Variants in CAMTA1 observed in about 807,000 individuals in gnomAD.
The protein encoded by CAMTA1 is calmodulin binding transcription activator 1.
In CAMTA1, 27 loss-of-function variants were observed where a neutral mutation model predicts 170.9. The observed-to-expected ratio is 0.16, with a 90% CI of 0.12 to 0.22. The LOEUF (loss-of-function observed/expected upper bound fraction) is 0.22. Among genes scored for constraint, CAMTA1 ranks in the 10% least tolerant of loss-of-function variants. CAMTA1 has a pLI of 1.00. For synonymous variants in CAMTA1, 833 were observed against 891.5 expected (o/e 0.93, Z 1.17); for missense variants, 1,619 against 2,217.2 (o/e 0.73, Z 5.42).
At chr1:7,758,175 C>T (rs1210895774) in intron 22 of CAMTA1, among the ~76,000 whole-genome samples, 4 of 152,098 alleles carry the variant, frequency 2.6e-5, no homozygotes, top group Admixed American at 1.3e-4. Flanking sequence ...AACATTTTTA[C>T]GGGAGGTGGT....
At chr1:7,307,248 C>G (rs1020561837) in intron 5 of CAMTA1, among the ~76,000 whole-genome samples, 2 of 151,922 alleles carry the variant, frequency 1.3e-5, no homozygotes, top group African/African-American at 4.8e-5. Flanking sequence ...TTCACTAATT[C>G]ATTGCTAGTA....
chr1:7,669,236 G>A (rs555960341), intron 9 of CAMTA1, among the ~76,000 whole-genome samples: 3 of 152,264 alleles, frequency 2.0e-5, no homozygotes, highest in Admixed American at 6.5e-5. Context: ...CCAGGCTCAT[G>A]CAAGAGCAGG....
chr1:7,649,484 G>A (rs903151595), intron 7 of CAMTA1, among the ~76,000 whole-genome samples: 16 of 152,218 alleles, frequency 1.1e-4, no homozygotes, highest in Admixed American at 9.8e-4. Flanking sequence ...CCCTCTTCCT[G>A]GCTCCTGCCA....
chr1:7,011,311 G>A (rs7516707), intron 3 of CAMTA1, among the ~76,000 whole-genome samples: 21,104 of 152,132 alleles, frequency 0.14, 1,577 homozygotes, highest in Non-Finnish European at 0.18. Context: ...TTCAAATGAT[G>A]CTGGGATTAC....
chr1:6,908,041 C>T (rs1369615060), intron 3 of CAMTA1, among the ~76,000 whole-genome samples: 1 of 152,192 alleles, frequency 6.6e-6, no homozygotes, highest in Non-Finnish European at 1.5e-5. Context: ...CATTTTTTCT[C>T]CCTCAGACGT....
chr1:7,312,720 G>T (rs1450858051), intron 5 of CAMTA1, among the ~76,000 whole-genome samples: 2 of 152,140 alleles, frequency 1.3e-5, no homozygotes, highest in African/African-American at 4.8e-5. Flanking sequence ...CCTTTGGGCT[G>T]CTTCCAAAAG....
chr1:6,967,813 G>C (rs1691822395), intron 3 of CAMTA1, among the ~76,000 whole-genome samples: 1 of 152,174 alleles, frequency 6.6e-6, no homozygotes, highest in South Asian at 2.1e-4. Flanking sequence ...GATTTAGGGA[G>C]AATCTTAGGG....
chr1:6,941,609 A>T (rs1393637787), intron 3 of CAMTA1, among the ~76,000 whole-genome samples: 1 of 152,204 alleles, frequency 6.6e-6, no homozygotes, highest in African/African-American at 2.4e-5. Context: ...CGCCGTGGGC[A>T]ATTGGGGCCC....
intron 11 of CAMTA1, among the ~76,000 whole-genome samples, chr1:7,702,635 C>T (rs1475945894): frequency 6.6e-6 from 1 of 152,184 alleles, no homozygotes; most frequent in East Asian, 1.9e-4. Flanking sequence ...TTCTTGTTCT[C>T]AAGGAGATGA....
At chr1:7,472,215 G>C (rs950791136) in intron 6 of CAMTA1, among the ~76,000 whole-genome samples, 1 of 152,184 alleles carries the variant, frequency 6.6e-6, no homozygotes, top group Admixed American at 6.5e-5. Context: ...AGGACCCTGG[G>C]GCCTTAGGAG....
intron 16 of CAMTA1, among the ~76,000 whole-genome samples, chr1:7,742,360 T>C (rs1462017882): frequency 1.3e-5 from 2 of 152,080 alleles, no homozygotes; most frequent in East Asian, 3.8e-4. Flanking sequence ...TGATTTCATA[T>C]ATATTTACTA....
intron 5 of CAMTA1, among the ~76,000 whole-genome samples, chr1:7,261,480 C>T (rs1413627602): frequency 1.3e-5 from 2 of 152,178 alleles, no homozygotes; most frequent in East Asian, 3.8e-4. Context: ...TCTCAGATTT[C>T]CAACGGAAGT....
intron 2 of CAMTA1, 50 bp downstream of exon 2, chr1:6,820,300 T>G: frequency 6.2e-7 from 1 of 1,603,396 alleles, no homozygotes; most frequent in Non-Finnish European, 8.5e-7. Flanking sequence ...GGCTTGGCAG[T>G]GGCAGTAATT....
intron 6 of CAMTA1, among the ~76,000 whole-genome samples, chr1:7,494,183 T>C (rs146279523): frequency 0.017 from 1,746 of 101,582 alleles, 22 homozygotes; most frequent in South Asian, 0.047. Flanking sequence ...TCAGAATTTC[T>C]ATTTGTTCAG....
chr1:7,671,180 C>T, intron 10 of CAMTA1, 143 bp downstream of exon 10: 3 of 898,960 alleles, frequency 3.3e-6, no homozygotes, highest in East Asian at 5.0e-5. Flanking sequence ...AAGCGGATCC[C>T]CGATAGTCTA....
At chr1:6,848,374 CCTAGTCTCA>C (rs556941816) in intron 3 of CAMTA1, among the ~76,000 whole-genome samples, 30 of 152,308 alleles carry the variant, frequency 2.0e-4, no homozygotes, top group Admixed American at 1.6e-3. Context: ...GCCTTGAACT[CCTAGTCTCA>C]AGTGGTCCTC....
intron 6 of CAMTA1, among the ~76,000 whole-genome samples, chr1:7,480,363 ATGTG>A (rs944839875): frequency 3.4e-5 from 5 of 146,374 alleles, no homozygotes; most frequent in African/African-American, 1.3e-4. Context: ...GTGTTTGTGC[ATGTG>A]TGTGAGTGCC....
chr1:6,806,404 C>A (rs1644514700), intron 1 of CAMTA1, among the ~76,000 whole-genome samples: 1 of 152,214 alleles, frequency 6.6e-6, no homozygotes, highest in Non-Finnish European at 1.5e-5. Flanking sequence ...GAAGAGACAA[C>A]TGAGATATAA....
At chr1:7,048,250 A>G (rs184675885) in intron 3 of CAMTA1, among the ~76,000 whole-genome samples, 19 of 152,282 alleles carry the variant, frequency 1.2e-4, no homozygotes, top group Admixed American at 1.1e-3. Context: ...GAACCTATTA[A>G]TAATTGTGAC....
Sources: gnomAD v4.1 joint callset for allele counts (sites outside exome capture counted in the v4.1 genomes callset) on GRCh38, gnomAD v4.1.1 for gene constraint, MANE v1.5 for transcripts, NCBI Gene and HGNC (gene_info 2026-07-23, HGNC 2026-07-21) for gene names.